Variants in LMBR1 observed in about 807,000 individuals in gnomAD.
LMBR1 encodes limb development membrane protein 1.
A neutral mutation model predicts 73.9 loss-of-function variants in LMBR1; 52 were observed. The observed-to-expected ratio is 0.70, with a 90% CI of 0.56 to 0.89. The LOEUF (loss-of-function observed/expected upper bound fraction) is 0.89. LMBR1 is among the 40% of genes least tolerant of loss of function. The pLI is 0.00. For synonymous variants in LMBR1, 215 were observed against 209.4 expected, an observed-to-expected ratio of 1.03 and a Z score of -0.23; for missense variants, 539 against 579.8, an observed-to-expected ratio of 0.93 and a Z score of 0.72.
At chr7:156,752,080 G>T (rs1821004826) in intron 9 of LMBR1, among the ~76,000 whole-genome samples, 1 of 152,166 alleles carries the variant, frequency 6.6e-6, no homozygotes, top group Non-Finnish European at 1.5e-5. Flanking sequence ...AGAAAAAGCA[G>T]CCCGTTAAAT....
intron 15 of LMBR1, among the ~76,000 whole-genome samples, chr7:156,714,068 T>C (rs1007976154): frequency 3.9e-5 from 6 of 152,200 alleles, no homozygotes; most frequent in African/African-American, 1.4e-4. Flanking sequence ...AACAATGCAA[T>C]ATTTCCAGTA....
At chr7:156,851,596 G>A (rs1468354230) in intron 1 of LMBR1, among the ~76,000 whole-genome samples, 2 of 152,146 alleles carry the variant, frequency 1.3e-5, no homozygotes, top group Non-Finnish European at 2.9e-5. Flanking sequence ...TGGGGGGCTG[G>A]GGAGTGAGGA....
At chr7:156,852,451 T>C (rs538055008) in intron 1 of LMBR1, among the ~76,000 whole-genome samples, 2 of 152,322 alleles carry the variant, frequency 1.3e-5, no homozygotes, top group South Asian at 2.1e-4. Context: ...GGATAGCATG[T>C]TTCTATACTA....
intron 9 of LMBR1, among the ~76,000 whole-genome samples, chr7:156,743,329 A>G (rs919453702): frequency 6.6e-6 from 1 of 151,938 alleles, no homozygotes. Flanking sequence ...TTTTATTGTG[A>G]TTTTCTCCTC....
intron 4 of LMBR1, among the ~76,000 whole-genome samples, chr7:156,800,944 T>C (rs921845394): frequency 1.3e-5 from 2 of 152,174 alleles, no homozygotes; most frequent in African/African-American, 2.4e-5. Context: ...ATGATAAAAC[T>C]TGAAATGAAC....
intron 3 of LMBR1, among the ~76,000 whole-genome samples, chr7:156,831,048 G>C (rs2133864469): frequency 6.6e-6 from 1 of 152,326 alleles, no homozygotes; most frequent in Admixed American, 6.5e-5. Context: ...TGGAAATGGG[G>C]AGGAGGACAC....
chr7:156,722,112 T>G (rs1434512259), intron 15 of LMBR1, among the ~76,000 whole-genome samples: 1 of 152,114 alleles, frequency 6.6e-6, no homozygotes, highest in East Asian at 1.9e-4. Context: ...ATTACATATA[T>G]AGAGATAAAA....
downstream of LMBR1, among the ~76,000 whole-genome samples, chr7:156,677,564 G>A (rs4716439): frequency 0.39 from 59,021 of 151,926 alleles, 11,809 homozygotes; most frequent in African/African-American, 0.47. Flanking sequence ...CAAGGGGCAA[G>A]GAAAGGGCAG....
rs1380286197 is a variant in LMBR1, at chr7:156,677,791, T to C, written c.*6287A>G. 1 of 151,448 alleles carries C rather than the reference T, an allele frequency of 6.6e-6. No homozygotes were observed. Among genetic ancestry groups the C allele is most frequent in the African/African-American group, 2.4e-5 (1 of 41,410 alleles). The allele number at this position is 151,448 out of a possible 1,614,324, so 9.4% of individuals were successfully genotyped here. On this transcript the variant is annotated 3_prime_UTR_variant, in exon 17 of 17. Coordinates refer to ENST00000353442, the MANE Select transcript of LMBR1 (RefSeq NM_022458.4). The stretch of plus-strand genomic sequence containing the variant: ...ATATGCATATATTGGGATGTGCTCA[T>C]TTTTTAAGGATGTATACTATCAAAA...
At position 156,838,808 on chromosome 7, in the gene LMBR1, C is replaced by T. The variant is rs993898465; in HGVS notation, c.67-1923G>A. ...GGAATCCCCACACTGTTTTTTATAA[C>T]GGCCATACTAATTTGCATTCCCACC... On this transcript the variant is annotated intron_variant, in intron 1 of 16. Coordinates refer to ENST00000353442, the MANE Select transcript of LMBR1 (RefSeq NM_022458.4). Among the ~76,000 whole-genome samples the T allele has an allele frequency of 3.3e-5, 5 of 152,086 alleles. No individual in the cohort carries two copies. In the South Asian group the frequency reaches 6.2e-4, roughly 19 times the overall value.
At chr7:156,825,964 T>C (rs1835614820) in intron 4 of LMBR1, among the ~76,000 whole-genome samples, 1 of 152,174 alleles carries the variant, frequency 6.6e-6, no homozygotes, top group Admixed American at 6.5e-5. Flanking sequence ...ATAAATAAAA[T>C]AGAAACTATA....
intron 1 of LMBR1, among the ~76,000 whole-genome samples, chr7:156,877,812 G>A (rs1214034361): frequency 6.6e-6 from 1 of 151,558 alleles, no homozygotes; most frequent in Non-Finnish European, 1.5e-5. Context: ...GAACCCGGGA[G>A]GCGGAGCTTG....
Position 156,683,352 on chromosome 7 carries a change from T to G in LMBR1, c.*726A>C, listed in dbSNP as rs1466475891. The G allele has an allele frequency of 6.6e-6, 1 of 152,622 alleles. No homozygotes were observed. Among genetic ancestry groups the G allele is most frequent in the African/African-American group, 2.4e-5 (1 of 41,446 alleles). 9.5% of individuals were successfully genotyped at this position (152,622 alleles called of 1,614,324 possible). ...GGGAATACTGAATTATATATATACA[T>G]AAACTGTCATTAAACTGTGATTACA... is the stretch of plus-strand genomic sequence containing the variant. On this transcript the variant is annotated 3_prime_UTR_variant, in exon 17 of 17. Transcript: ENST00000353442.
chr7:156,769,918 C>T (rs1824865829), intron 5 of LMBR1, among the ~76,000 whole-genome samples: 1 of 152,164 alleles, frequency 6.6e-6, no homozygotes, highest in Non-Finnish European at 1.5e-5. Context: ...AGGTAAAGAG[C>T]AGTCAAGACC....
chr7:156,676,518 G>A (rs1804080261), downstream of LMBR1: 1 of 1,613,890 alleles, frequency 6.2e-7, no homozygotes, highest in African/African-American at 1.3e-5. Flanking sequence ...CAGAGAGATG[G>A]CCCTCCTGTC....
chr7:156,766,935 C>T (rs1195502364), intron 5 of LMBR1, among the ~76,000 whole-genome samples: 3 of 152,132 alleles, frequency 2.0e-5, no homozygotes, highest in Non-Finnish European at 4.4e-5. Flanking sequence ...GAATAAACAG[C>T]GTCAGGAATG....
At chr7:156,859,388 C>T (rs1219638819) in intron 1 of LMBR1, among the ~76,000 whole-genome samples, 1 of 152,040 alleles carries the variant, frequency 6.6e-6, no homozygotes, top group African/African-American at 2.4e-5. Context: ...AAAAGGCATA[C>T]ATATTTGGAA....
intron 6 of LMBR1, 113 bp downstream of exon 6, chr7:156,763,555 CA>C: frequency 1.2e-6 from 1 of 828,798 alleles, no homozygotes. Flanking sequence ...AAATTAACAT[CA>C]AACATCTTTG....
chr7:156,708,930 C>G (rs906784455), intron 15 of LMBR1, among the ~76,000 whole-genome samples: 1 of 152,144 alleles, frequency 6.6e-6, no homozygotes, highest in Non-Finnish European at 1.5e-5. Flanking sequence ...TATAACACAG[C>G]ACAGGTGGCC....
Sources: allele counts gnomAD v4.1 joint callset (sites outside exome capture counted in the v4.1 genomes callset), GRCh38; gene constraint gnomAD v4.1.1; transcripts MANE v1.5; gene names NCBI Gene and HGNC (gene_info 2026-07-23, HGNC 2026-07-21).